The following HOMER1 variants were observed in gnomAD, a reference collection of about 807,000 sequenced individuals.
HOMER1 encodes homer protein homolog 1.
A neutral mutation model predicts 48.9 loss-of-function variants in HOMER1; 3 were observed. The ratio of observed to expected loss-of-function variants is 0.06; its 90% confidence interval spans 0.03 to 0.16. HOMER1 has a LOEUF of 0.16. Among genes scored for constraint, HOMER1 ranks in the 10% least tolerant of loss-of-function variants. The probability of loss-of-function intolerance (pLI) is 1.00; values close to 1 mark genes in which losing one functional copy is unlikely to be tolerated. For missense variants in HOMER1, 247 were observed against 411.4 expected, an observed-to-expected ratio of 0.60 and a Z score of 3.46; for synonymous variants, 134 against 146.4, an observed-to-expected ratio of 0.92 and a Z score of 0.61.
intron 5 of HOMER1, among the ~76,000 whole-genome samples, chr5:79,426,373 T>A (rs1309131418): frequency 6.6e-6 from 1 of 152,074 alleles, no homozygotes; most frequent in African/African-American, 2.4e-5. Flanking sequence ...AACCTAAGTG[T>A]CCACCAATGA....
chr5:79,425,732 A>AT, intron 5 of HOMER1, among the ~76,000 whole-genome samples: 1 of 152,188 alleles, frequency 6.6e-6, no homozygotes, highest in South Asian at 2.1e-4. Flanking sequence ...GGTTCTTCAC[A>AT]TAACTTAACA....
intron 8 of HOMER1, among the ~76,000 whole-genome samples, chr5:79,386,787 A>G (rs1749121114): frequency 6.6e-6 from 1 of 152,180 alleles, no homozygotes; most frequent in Non-Finnish European, 1.5e-5. Flanking sequence ...ACAAAGTATA[A>G]AATCCTACTG....
At chr5:79,486,235 C>A (rs1031227600) in intron 1 of HOMER1, among the ~76,000 whole-genome samples, 11 of 152,174 alleles carry the variant, frequency 7.2e-5, no homozygotes, top group Non-Finnish European at 1.5e-4. Flanking sequence ...CAGAGATGAG[C>A]TCTCTCTCAC....
In HOMER1 at chr5:79,372,902, A is replaced by G. The variant is rs990991044; in HGVS notation, c.*3107T>C. The G allele has an allele frequency of 1.3e-5, 2 of 152,138 alleles. No individual in the cohort carries two copies. Among genetic ancestry groups the G allele is most frequent in the African/African-American group, 2.4e-5 (1 of 41,434 alleles). The allele number at this position is 152,138 out of a possible 1,614,324, so 9.4% of individuals were successfully genotyped here. A position where few individuals can be genotyped will look rare whatever the true frequency, so the allele number is the denominator to read the frequency against. ...TGTTCCTTTTATTTCCACCTGAAAAAAAAAGTGAGCTTTTCCTCTAACTGC... is the reference window on the plus strand; with the variant it reads ...TGTTCCTTTTATTTCCACCTGAAAAGAAAAGTGAGCTTTTCCTCTAACTGC... On this transcript the variant is annotated 3_prime_UTR_variant, in exon 9 of 9. Coordinates refer to ENST00000334082, the MANE Select transcript of HOMER1 (RefSeq NM_004272.5).
intron 5 of HOMER1, among the ~76,000 whole-genome samples, chr5:79,428,709 T>C (rs943434907): frequency 5.9e-5 from 9 of 152,210 alleles, no homozygotes; most frequent in African/African-American, 2.2e-4. Context: ...GAATAAAATC[T>C]GAATACATTT....
intron 2 of HOMER1, among the ~76,000 whole-genome samples, chr5:79,452,032 G>A (rs953811284): frequency 1.3e-5 from 2 of 152,030 alleles, no homozygotes; most frequent in African/African-American, 2.4e-5. Flanking sequence ...GATTGGTTCC[G>A]GGACCCCTAT....
chr5:79,481,004 A>G (rs1277262407), intron 1 of HOMER1, among the ~76,000 whole-genome samples: 1 of 152,226 alleles, frequency 6.6e-6, no homozygotes, highest in East Asian at 1.9e-4. Context: ...TATTTGCCCC[A>G]TATAAAGCAA....
intron 1 of HOMER1, among the ~76,000 whole-genome samples, chr5:79,486,738 G>T (rs1239963072): frequency 1.3e-5 from 2 of 152,060 alleles, no homozygotes; most frequent in African/African-American, 4.8e-5. Flanking sequence ...CATAAAATGA[G>T]GTTTAGAAAG....
At chr5:79,499,675 T>C (rs1165568316) in intron 1 of HOMER1, among the ~76,000 whole-genome samples, 1 of 152,118 alleles carries the variant, frequency 6.6e-6, no homozygotes, top group Non-Finnish European at 1.5e-5. Flanking sequence ...TATCAAAACA[T>C]AGGCAAAAAA....
chr5:79,407,613 A>T (rs912090466), intron 5 of HOMER1, among the ~76,000 whole-genome samples: 1 of 152,192 alleles, frequency 6.6e-6, no homozygotes. Flanking sequence ...GTGAACATGG[A>T]AACAGATCAA....
At chr5:79,467,897 C>T (rs1047633027) in intron 1 of HOMER1, among the ~76,000 whole-genome samples, 1 of 152,138 alleles carries the variant, frequency 6.6e-6, no homozygotes, top group Admixed American at 6.5e-5. Flanking sequence ...CTGCCTTAGC[C>T]TCCAGAGTAG....
intron 1 of HOMER1, among the ~76,000 whole-genome samples, chr5:79,481,217 CTTTA>C (rs1390099247): frequency 6.6e-6 from 1 of 152,184 alleles, no homozygotes; most frequent in African/African-American, 2.4e-5. Context: ...ACAATTACAA[CTTTA>C]TTTTTAACTG....
intron 1 of HOMER1, among the ~76,000 whole-genome samples, chr5:79,488,780 C>T (rs1464251797): frequency 6.6e-6 from 1 of 152,144 alleles, no homozygotes; most frequent in Non-Finnish European, 1.5e-5. Context: ...ATACATTTTA[C>T]CTAAATCTTA....
chr5:79,379,244 A>T (rs577729922), intron 8 of HOMER1, among the ~76,000 whole-genome samples: 29 of 66,180 alleles, frequency 4.4e-4, no homozygotes, highest in Admixed American at 8.1e-4. Flanking sequence ...ATTATATATT[A>T]TATATATCTA....
At chr5:79,442,743 G>C (rs1459645667) in intron 4 of HOMER1, among the ~76,000 whole-genome samples, 1 of 152,200 alleles carries the variant, frequency 6.6e-6, no homozygotes. Context: ...TTTCTCAGCA[G>C]AGGGCCTGAC....
At chr5:79,459,806 CTAAA>C (rs1038887811) in intron 1 of HOMER1, among the ~76,000 whole-genome samples, 13 of 152,110 alleles carry the variant, frequency 8.5e-5, no homozygotes, top group African/African-American at 1.2e-4. Flanking sequence ...AAACAGATGC[CTAAA>C]TAGAGTTTGA....
At chr5:79,412,918 G>A (rs62363110) in intron 5 of HOMER1, among the ~76,000 whole-genome samples, 1 of 152,160 alleles carries the variant, frequency 6.6e-6, no homozygotes, top group East Asian at 1.9e-4. Flanking sequence ...GACTGGAAAG[G>A]GAGAAAGTTT....
intron 5 of HOMER1, among the ~76,000 whole-genome samples, chr5:79,415,947 T>G (rs1749932532): frequency 6.6e-6 from 1 of 152,182 alleles, no homozygotes; most frequent in Admixed American, 6.5e-5. Context: ...AAATTAGGGT[T>G]ATTAACAACT....
intron 5 of HOMER1, among the ~76,000 whole-genome samples, chr5:79,427,268 A>G (rs1172949796): frequency 1.3e-5 from 2 of 152,244 alleles, no homozygotes; most frequent in Non-Finnish European, 2.9e-5. Flanking sequence ...TACACTAGAA[A>G]TCAGAGTTAT....
Sources: allele counts gnomAD v4.1 joint callset (sites outside exome capture counted in the v4.1 genomes callset), GRCh38; gene constraint gnomAD v4.1.1; transcripts MANE v1.5; gene names NCBI Gene and HGNC (gene_info 2026-07-23, HGNC 2026-07-21).